Variants in ENOX1 observed in about 807,000 individuals in gnomAD.
ENOX1 encodes the protein ecto-NOX disulfide-thiol exchanger 1.
ENOX1 carries 42 observed loss-of-function variants against 82.5 expected under a neutral mutation model. The ratio of observed to expected loss-of-function variants is 0.51; its 90% CI spans 0.40 to 0.66. The LOEUF (loss-of-function observed/expected upper bound fraction) is 0.66, where lower values mean the gene tolerates loss of function less well. ENOX1 is among the 30% of genes least tolerant of loss of function. ENOX1 has a pLI of 0.00. For missense variants in ENOX1, 608 were observed against 811.6 expected (o/e 0.75, Z 3.05); for synonymous variants, 271 against 282.2 (o/e 0.96, Z 0.40).
intron 2 of ENOX1, among the ~76,000 whole-genome samples, chr13:43,489,586 C>T (rs1463945660): frequency 6.6e-6 from 1 of 152,154 alleles, no homozygotes; most frequent in Non-Finnish European, 1.5e-5. Context: ...CCCAGTAGGG[C>T]AATCCTTAGT....
intron 7 of ENOX1, among the ~76,000 whole-genome samples, chr13:43,356,958 T>C (rs2050197658): frequency 6.6e-6 from 1 of 152,052 alleles, no homozygotes; most frequent in Admixed American, 6.6e-5. Flanking sequence ...CTGGAAATCT[T>C]TGGGGGATTC....
At chr13:43,707,558 C>A (rs2087380135) in intron 1 of ENOX1, among the ~76,000 whole-genome samples, 1 of 151,772 alleles carries the variant, frequency 6.6e-6, no homozygotes, top group Admixed American at 6.6e-5. Context: ...CGTGGTGAAA[C>A]CCTGTCTCTA....
chr13:43,442,303 G>A (rs948180435), intron 3 of ENOX1, among the ~76,000 whole-genome samples: 2 of 152,146 alleles, frequency 1.3e-5, no homozygotes, highest in Admixed American at 6.6e-5. Flanking sequence ...ATTTATGCAC[G>A]GCAGAACCTC....
intron 2 of ENOX1, among the ~76,000 whole-genome samples, chr13:43,605,628 T>C (rs748468044): frequency 6.6e-5 from 10 of 152,168 alleles, no homozygotes; most frequent in Admixed American, 2.0e-4. Context: ...ACTAGACCCC[T>C]ATTGCTCATC....
At chr13:43,421,637 T>C (rs1381612886) in intron 3 of ENOX1, among the ~76,000 whole-genome samples, 1 of 152,172 alleles carries the variant, frequency 6.6e-6, no homozygotes. Flanking sequence ...AAAGGAGATA[T>C]ATACTCTTTC....
At chr13:43,633,744 T>C in intron 2 of ENOX1, among the ~76,000 whole-genome samples, 1 of 151,912 alleles carries the variant, frequency 6.6e-6, no homozygotes, top group East Asian at 1.9e-4. Flanking sequence ...TATATATGTA[T>C]ACATATATTT....
intron 1 of ENOX1, among the ~76,000 whole-genome samples, chr13:43,745,310 A>C (rs533497469): frequency 6.6e-6 from 1 of 152,214 alleles, no homozygotes; most frequent in Admixed American, 6.5e-5. Context: ...ATTTATCCAC[A>C]TGTAAAAGTG....
chr13:43,683,750 A>G (rs1034272708), intron 1 of ENOX1, among the ~76,000 whole-genome samples: 1 of 152,126 alleles, frequency 6.6e-6, no homozygotes, highest in Non-Finnish European at 1.5e-5. Flanking sequence ...TCTACCGTGT[A>G]GTTGAATGTC....
chr13:43,483,978 C>A (rs745946119), intron 3 of ENOX1, 31 bp downstream of exon 3: 8 of 984,484 alleles, frequency 8.1e-6, no homozygotes, highest in Non-Finnish European at 9.6e-6. Context: ...TTAGTATCTT[C>A]AGTAAGAAAA....
chr13:43,664,692 G>GT (rs1649650168), intron 2 of ENOX1, among the ~76,000 whole-genome samples: 1 of 152,172 alleles, frequency 6.6e-6, no homozygotes, highest in Admixed American at 6.5e-5. Flanking sequence ...CTAATCAAGG[G>GT]TAGTAAGCTC....
intron 2 of ENOX1, among the ~76,000 whole-genome samples, chr13:43,603,722 A>AT (rs2081848755): frequency 8.1e-6 from 1 of 123,758 alleles, no homozygotes; most frequent in South Asian, 3.1e-4. Flanking sequence ...TGAACTCATC[A>AT]TTTTTTATGG....
intron 1 of ENOX1, among the ~76,000 whole-genome samples, chr13:43,719,661 C>T (rs992647500): frequency 1.3e-5 from 2 of 152,110 alleles, no homozygotes; most frequent in African/African-American, 4.8e-5. Flanking sequence ...AGAACCCTAA[C>T]GTAGCGCACC....
At chr13:43,438,427 T>C (rs985538923) in intron 3 of ENOX1, among the ~76,000 whole-genome samples, 3 of 151,748 alleles carry the variant, frequency 2.0e-5, no homozygotes, top group Admixed American at 1.3e-4. Context: ...AGGGAGTGAG[T>C]GACATGTGTG....
chr13:43,595,265 G>A (rs1395929643), intron 2 of ENOX1, among the ~76,000 whole-genome samples: 2 of 151,852 alleles, frequency 1.3e-5, no homozygotes, highest in Non-Finnish European at 2.9e-5. Flanking sequence ...CAGGTAGAAC[G>A]AATTATTTAC....
At chr13:43,485,950 C>T (rs925852307) in intron 2 of ENOX1, among the ~76,000 whole-genome samples, 3 of 152,178 alleles carry the variant, frequency 2.0e-5, no homozygotes, top group African/African-American at 7.2e-5. Flanking sequence ...GTGGCTCATG[C>T]CTGTAATCCC....
At chr13:43,581,233 C>G (rs992848218) in intron 2 of ENOX1, among the ~76,000 whole-genome samples, 39 of 140,748 alleles carry the variant, frequency 2.8e-4, no homozygotes, top group African/African-American at 9.8e-4. Context: ...CCCGGGTTCA[C>G]GCCATTCTCC....
intron 5 of ENOX1, among the ~76,000 whole-genome samples, chr13:43,366,155 A>G (rs1229209818): frequency 6.6e-6 from 1 of 152,098 alleles, no homozygotes; most frequent in Non-Finnish European, 1.5e-5. Context: ...TTTTCATTCC[A>G]TGTTTTCTTT....
chr13:43,309,054 C>T (rs570612917), intron 11 of ENOX1, among the ~76,000 whole-genome samples: 11 of 149,898 alleles, frequency 7.3e-5, no homozygotes, highest in East Asian at 3.9e-4. Flanking sequence ...TCCAGAGTCT[C>T]GCTGTCACCC....
At chr13:43,693,028 AATTT>A (rs1372491452) in intron 1 of ENOX1, among the ~76,000 whole-genome samples, 2 of 152,130 alleles carry the variant, frequency 1.3e-5, no homozygotes, top group African/African-American at 4.8e-5. Context: ...CTATGTTATA[AATTT>A]ATTTTAAAAA....
Sources: allele counts gnomAD v4.1 joint callset (sites outside exome capture counted in the v4.1 genomes callset), GRCh38; gene constraint gnomAD v4.1.1; transcripts MANE v1.5; gene names NCBI Gene and HGNC (gene_info 2026-07-23, HGNC 2026-07-21).